IFT81: variants seen among roughly 807,000 people sequenced by gnomAD.
The protein encoded by IFT81 is intraflagellar transport protein 81 homolog.
A neutral mutation model predicts 102.6 loss-of-function variants in IFT81; 72 were observed. The ratio of observed to expected loss-of-function variants is 0.70; its 90% CI spans 0.58 to 0.85. The LOEUF is 0.85. IFT81 is among the 40% of genes least tolerant of loss of function. The pLI is 0.00. For missense variants in IFT81, 723 were observed against 787.3 expected (o/e 0.92, Z 0.98); for synonymous variants, 237 against 242.7 (o/e 0.98, Z 0.22).
At chr12:110,170,415 GCT>G (rs1413163461) in intron 11 of IFT81, among the ~76,000 whole-genome samples, 1 of 152,202 alleles carries the variant, frequency 6.6e-6, no homozygotes, top group African/African-American at 2.4e-5. Context: ...AGCAATCTCA[GCT>G]TGAAGACTTT....
chr12:110,177,600 A>G (rs1350366444), intron 11 of IFT81, among the ~76,000 whole-genome samples: 1 of 152,136 alleles, frequency 6.6e-6, no homozygotes, highest in African/African-American at 2.4e-5. Context: ...TTCAAAGTTT[A>G]AGTCAAATTT....
intron 11 of IFT81, among the ~76,000 whole-genome samples, chr12:110,179,716 T>C (rs1897207524): frequency 8.2e-6 from 1 of 121,250 alleles, no homozygotes; most frequent in Non-Finnish European, 1.7e-5. Flanking sequence ...GCAAACCCTA[T>C]CTCGAAATTA....
rs534579346 is a variant in IFT81 at position 110,145,727 on chromosome 12, G to A, written c.946-1226G>A. ...TGGGATTACAGGTGTGAGCCACCGC[G>A]CCCAGGCCTGACTGTTTTATTCTTT... On this transcript the variant is annotated intron_variant, in intron 9 of 18. Coordinates refer to ENST00000242591, the MANE Select transcript of IFT81 (RefSeq NM_014055.4). 4.6e-5 allele frequency among the ~76,000 whole-genome samples: 7 copies of A among 151,974 alleles called. No homozygotes were observed. In the East Asian group the frequency reaches 5.8e-4, roughly 13 times the overall value.
At chr12:110,156,049 G>A (rs1895819206) in intron 10 of IFT81, among the ~76,000 whole-genome samples, 2 of 152,052 alleles carry the variant, frequency 1.3e-5, no homozygotes, top group African/African-American at 4.8e-5. Flanking sequence ...CCTTTTAAAT[G>A]CATTAATCTC....
chr12:110,204,179 C>G (rs907163158), intron 15 of IFT81: 1 of 402,874 alleles, frequency 2.5e-6, no homozygotes, highest in African/African-American at 2.0e-5. Flanking sequence ...TTCACTACAT[C>G]AATGTCAAAA....
intron 10 of IFT81, among the ~76,000 whole-genome samples, chr12:110,158,560 A>C (rs554027034): frequency 6.6e-6 from 1 of 150,734 alleles, no homozygotes; most frequent in Admixed American, 6.6e-5. Flanking sequence ...TAGATGTGTC[A>C]TATTTTATTG....
intron 10 of IFT81, among the ~76,000 whole-genome samples, chr12:110,154,310 G>C (rs540524651): frequency 7.1e-4 from 107 of 151,052 alleles, no homozygotes; most frequent in Non-Finnish European, 1.2e-3. Flanking sequence ...CCAGGCAACA[G>C]TGTGAGACAC....
chr12:110,200,940 ACT>A (rs935506551), intron 14 of IFT81, among the ~76,000 whole-genome samples: 4 of 150,824 alleles, frequency 2.7e-5, no homozygotes, highest in Non-Finnish European at 5.9e-5. Context: ...ACAGAGCAAG[ACT>A]CTGTCTTGAA....
At chr12:110,184,293 T>C (rs1323033356) in intron 12 of IFT81, among the ~76,000 whole-genome samples, 2 of 152,072 alleles carry the variant, frequency 1.3e-5, no homozygotes, top group African/African-American at 4.8e-5. Flanking sequence ...GAGCTTGCAG[T>C]GAGCCGAGAT....
chr12:110,135,117 AG>A, intron 6 of IFT81, 104 bp downstream of exon 6: 1 of 893,022 alleles, frequency 1.1e-6, no homozygotes, highest in Non-Finnish European at 1.8e-6. Context: ...TGTACATCTG[AG>A]GATGGACTCA....
chr12:110,163,909 C>T (rs1362579162), intron 11 of IFT81, among the ~76,000 whole-genome samples: 2 of 151,798 alleles, frequency 1.3e-5, no homozygotes, highest in Non-Finnish European at 2.9e-5. Context: ...CCACTGCACC[C>T]GGCCCCAAAT....
At chr12:110,206,623 C>T (rs1479263489) in intron 17 of IFT81, among the ~76,000 whole-genome samples, 2 of 149,714 alleles carry the variant, frequency 1.3e-5, no homozygotes, top group Non-Finnish European at 3.0e-5. Context: ...TGCAGTAAGC[C>T]GAAATCATGC....
At chr12:110,137,181 C>T (rs966392989) in intron 8 of IFT81, among the ~76,000 whole-genome samples, 4 of 151,838 alleles carry the variant, frequency 2.6e-5, no homozygotes, top group Non-Finnish European at 5.9e-5. Flanking sequence ...CTCTACTAAA[C>T]ATACAAAAAT....
intron 11 of IFT81, among the ~76,000 whole-genome samples, chr12:110,179,773 T>TATACATACAC (rs774113734): frequency 7.9e-5 from 4 of 50,492 alleles, no homozygotes; most frequent in Non-Finnish European, 1.7e-4. Context: ...TATATATATA[T>TATACATACAC]ACACACACAC....
At chr12:110,192,559 A>G (rs1333319527) in intron 13 of IFT81, 58 bp from the exon 14 acceptor site, 5 of 858,918 alleles carry the variant, frequency 5.8e-6, no homozygotes, top group African/African-American at 3.4e-5. Flanking sequence ...TTATGCATGT[A>G]GTATTTTTCT....
At chr12:110,185,684 G>A (rs966509119) in intron 12 of IFT81, among the ~76,000 whole-genome samples, 21 of 152,046 alleles carry the variant, frequency 1.4e-4, no homozygotes, top group African/African-American at 5.1e-4. Flanking sequence ...AGAGCTCACT[G>A]CAGCCTCAAC....
chr12:110,129,142 A>G lies in IFT81; in HGVS notation c.429+12A>G. The G allele has an allele frequency of 6.4e-7, 1 of 1,557,812 alleles. No individual in the cohort carries two copies. The highest frequency in any genetic ancestry group is 1.4e-5 in the African/African-American group (1 of 71,886). On this transcript the variant is annotated intron_variant, in intron 4 of 18. Transcript: ENST00000242591. ...ACACCAATAAACAGGTAAACAATAC[A>G]TAAATGGTACATTGAAACTGTAATG...
chr12:110,216,155 A>G (rs570154873), intron 18 of IFT81, among the ~76,000 whole-genome samples: 2 of 151,952 alleles, frequency 1.3e-5, no homozygotes, highest in African/African-American at 4.8e-5. Context: ...ATTTTCCCCT[A>G]TTATTAGCCT....
At chr12:110,138,357 T>C (rs1894636483) in intron 8 of IFT81, among the ~76,000 whole-genome samples, 1 of 152,160 alleles carries the variant, frequency 6.6e-6, no homozygotes, top group South Asian at 2.1e-4. Flanking sequence ...TAACAAAAAG[T>C]ACTTTTAGTA....
Sources: gnomAD v4.1 joint callset for allele counts (sites outside exome capture counted in the v4.1 genomes callset) on GRCh38, gnomAD v4.1.1 for gene constraint, MANE v1.5 for transcripts, NCBI Gene and HGNC (gene_info 2026-07-23, HGNC 2026-07-21) for gene names.